CDIN1: variants seen among roughly 807,000 people sequenced by gnomAD.
CDIN1 encodes the protein CDAN1-interacting nuclease 1.
A neutral mutation model predicts 45.3 loss-of-function variants in CDIN1; 33 were observed. That is an observed-to-expected ratio of 0.73 (90% CI 0.55 to 0.97). The LOEUF is 0.97. CDIN1 is among the 50% of genes least tolerant of loss of function. CDIN1 has a pLI of 0.00. For synonymous variants in CDIN1, 118 were observed against 124.4 expected (o/e 0.95, Z 0.34); for missense variants, 303 against 339.4 (o/e 0.89, Z 0.84).
chr15:36,610,883 G>C (rs1399217116), intron 1 of CDIN1, among the ~76,000 whole-genome samples: 2 of 152,192 alleles, frequency 1.3e-5, no homozygotes, highest in South Asian at 4.1e-4. Flanking sequence ...GGTCCAGTGG[G>C]AAGAGTAATG....
At chr15:36,582,632 C>T (rs2140153156) in intron 1 of CDIN1, among the ~76,000 whole-genome samples, 1 of 152,270 alleles carries the variant, frequency 6.6e-6, no homozygotes, top group South Asian at 2.1e-4. Flanking sequence ...GTCGTGTTGA[C>T]CCTGTAGACC....
intron 1 of CDIN1, among the ~76,000 whole-genome samples, chr15:36,592,317 C>A (rs1326286246): frequency 6.6e-6 from 1 of 152,140 alleles, no homozygotes; most frequent in Non-Finnish European, 1.5e-5. Context: ...AATTCATCCA[C>A]AGTAGGAGTA....
chr15:36,764,992 A>G (rs2381892), intron 10 of CDIN1, among the ~76,000 whole-genome samples: 79,764 of 151,542 alleles, frequency 0.53, 22,031 homozygotes, highest in East Asian at 0.93. Flanking sequence ...CTGACTCTGC[A>G]GTCACCATGC....
chr15:36,732,726 C>A (rs1179625546), intron 10 of CDIN1, among the ~76,000 whole-genome samples: 3 of 151,326 alleles, frequency 2.0e-5, no homozygotes, highest in Non-Finnish European at 4.4e-5. Flanking sequence ...AAATTGTTTG[C>A]AAAAAATAAA....
At chr15:36,752,618 A>G (rs1402492469) in intron 10 of CDIN1, among the ~76,000 whole-genome samples, 1 of 152,216 alleles carries the variant, frequency 6.6e-6, no homozygotes. Context: ...TTCTTTCAGA[A>G]CTGTGTGACT....
chr15:36,792,835 A>G (rs1388705605), intron 10 of CDIN1, among the ~76,000 whole-genome samples: 1 of 152,102 alleles, frequency 6.6e-6, no homozygotes, highest in East Asian at 1.9e-4. Context: ...GTAGCATCCC[A>G]TCGGGCCCAC....
chr15:36,593,633 G>A (rs531386551), intron 1 of CDIN1, among the ~76,000 whole-genome samples: 162 of 152,110 alleles, frequency 1.1e-3, no homozygotes, highest in African/African-American at 3.5e-3. Flanking sequence ...GCGTGATCTC[G>A]GCTCACTGCA....
intron 1 of CDIN1, among the ~76,000 whole-genome samples, chr15:36,581,440 T>G (rs986069855): frequency 1.3e-5 from 2 of 152,252 alleles, no homozygotes; most frequent in South Asian, 4.1e-4. Context: ...TATTCTCTTA[T>G]GCTCTTTTCT....
intron 1 of CDIN1, among the ~76,000 whole-genome samples, chr15:36,629,399 C>A (rs934870818): frequency 1.3e-5 from 2 of 152,112 alleles, no homozygotes; most frequent in African/African-American, 4.8e-5. Context: ...GAAAAACTTA[C>A]AATATTATTT....
chr15:36,714,278 C>G (rs1210834623), intron 10 of CDIN1, among the ~76,000 whole-genome samples: 1 of 152,096 alleles, frequency 6.6e-6, no homozygotes, highest in East Asian at 1.9e-4. Flanking sequence ...AACTAAATGA[C>G]AAATGCACTT....
chr15:36,618,761 C>CAAAA (rs34933565), intron 1 of CDIN1: 430 of 615,776 alleles, frequency 7.0e-4, no homozygotes, highest in South Asian at 1.6e-3. Context: ...ACAACTCAGC[C>CAAAA]AAAAAAAAAA....
At chr15:36,800,854 T>G (rs933415615) in intron 10 of CDIN1, among the ~76,000 whole-genome samples, 1 of 137,766 alleles carries the variant, frequency 7.3e-6, no homozygotes, top group Non-Finnish European at 1.6e-5. Flanking sequence ...ATTATGATTA[T>G]ACATATGTGT....
At chr15:36,631,330 G>A (rs1036380914) in intron 1 of CDIN1, among the ~76,000 whole-genome samples, 2 of 151,940 alleles carry the variant, frequency 1.3e-5, no homozygotes, top group Non-Finnish European at 2.9e-5. Flanking sequence ...GTATATTCAC[G>A]AAGTTGTACA....
At chr15:36,789,483 T>A (rs2054590259) in intron 10 of CDIN1, among the ~76,000 whole-genome samples, 1 of 152,192 alleles carries the variant, frequency 6.6e-6, no homozygotes. Flanking sequence ...TATATTTTGT[T>A]AAAAAATTAA....
intron 10 of CDIN1, among the ~76,000 whole-genome samples, chr15:36,747,733 A>T (rs1194912781): frequency 2.0e-5 from 3 of 152,210 alleles, no homozygotes; most frequent in Non-Finnish European, 2.9e-5. Context: ...AGTACTTAGT[A>T]TTATATAACT....
intron 10 of CDIN1, among the ~76,000 whole-genome samples, chr15:36,782,419 C>T (rs60392498): frequency 0.019 from 2,963 of 152,258 alleles, 106 homozygotes; most frequent in African/African-American, 0.066. Flanking sequence ...AATCATCACT[C>T]TCTAAATTAA....
chr15:36,688,886 G>A (rs1469097379), intron 5 of CDIN1, among the ~76,000 whole-genome samples: 1 of 152,174 alleles, frequency 6.6e-6, no homozygotes. Flanking sequence ...AGTGGAAAGA[G>A]CTGTGTGTGT....
At chr15:36,715,309 T>C (rs2043184104) in intron 10 of CDIN1, among the ~76,000 whole-genome samples, 1 of 152,190 alleles carries the variant, frequency 6.6e-6, no homozygotes, top group African/African-American at 2.4e-5. Context: ...CCTCTAAGTA[T>C]TTTTTAAAGA....
chr15:36,620,192 A>G (rs1462007420), intron 1 of CDIN1, among the ~76,000 whole-genome samples: 1 of 152,080 alleles, frequency 6.6e-6, no homozygotes, highest in Admixed American at 6.6e-5. Context: ...TCTACTAAAA[A>G]TACAAAAAAT....
Sources: allele counts gnomAD v4.1 joint callset (sites outside exome capture counted in the v4.1 genomes callset), GRCh38; gene constraint gnomAD v4.1.1; transcripts MANE v1.5; gene names NCBI Gene and HGNC (gene_info 2026-07-23, HGNC 2026-07-21).